Variants in ANGEL1 observed in about 807,000 individuals in gnomAD.
ANGEL1 encodes RNA 2',3'-cyclic phosphatase ANGEL1.
ANGEL1 carries 62 observed loss-of-function variants against 76.4 expected under a neutral mutation model. The ratio of observed to expected loss-of-function variants is 0.81; its 90% CI spans 0.66 to 1.00. ANGEL1 has a LOEUF of 1.00. Ranked by LOEUF, ANGEL1 falls within the 50% of genes least tolerant of loss-of-function variation. The pLI, the probability that ANGEL1 is intolerant of heterozygous loss-of-function variation, is 0.00. For synonymous variants in ANGEL1, 340 were observed against 331.7 expected, an observed-to-expected ratio of 1.03 and a Z score of -0.27; for missense variants, 737 against 836.7, an observed-to-expected ratio of 0.88 and a Z score of 1.47.
intron 3 of ANGEL1, 100 bp downstream of exon 3, chr14:76,807,822 T>C (rs1399494471): frequency 3.0e-6 from 4 of 1,318,406 alleles, no homozygotes; most frequent in Non-Finnish European, 3.2e-6. Flanking sequence ...AGGACTCCAA[T>C]CATTTGAACA....
At chr14:76,808,982 C>G (rs1895003137) in intron 2 of ANGEL1, 77 bp downstream of exon 2, 7 of 1,379,832 alleles carry the variant, frequency 5.1e-6, no homozygotes, top group African/African-American at 1.5e-5. Context: ...ACCATAGAAT[C>G]TTCTCTTTAG....
chr14:76,796,071 T>C (rs1337991398), intron 7 of ANGEL1, among the ~76,000 whole-genome samples: 1 of 152,086 alleles, frequency 6.6e-6, no homozygotes, highest in Non-Finnish European at 1.5e-5. Flanking sequence ...TATAACTCTA[T>C]GATTCTAAAT....
chr14:76,808,976 T>G, intron 2 of ANGEL1, 83 bp downstream of exon 2: 1 of 1,334,084 alleles, frequency 7.5e-7, no homozygotes, highest in Admixed American at 2.4e-5. Flanking sequence ...CTCCCTACCA[T>G]AGAATCTTCT....
chr14:76,807,938 T>C lies in ANGEL1; in HGVS notation c.860A>G (p.Gln287Arg), dbSNP rs1894969192. ...YRFVNLMQEFQHWDPDILCLQ... is the reference protein window; with the variant it reads ...YRFVNLMQEFRHWDPDILCLQ... ...TTCACTCACATCAGGGTCCCAGTGC[T>C]GGAATTCCTGCATGAGGTTCACGAA... The change falls in exon 3 of 10, where the codon CAG becomes CGG. Residue 287 changes from glutamine (Q) to arginine (R), a missense_variant. By Grantham distance (43) the Gln-to-Arg change is conservative. Coordinates refer to ENST00000251089, the MANE Select transcript of ANGEL1 (RefSeq NM_015305.4). 6.2e-7 allele frequency: 1 copy of C among 1,613,880 alleles called. No individual in the cohort carries two copies. Among genetic ancestry groups the C allele is most frequent in the African/African-American group, 1.3e-5 (1 of 74,944 alleles).
chr14:76,789,414 G>A, intron 9 of ANGEL1, 26 bp from the exon 10 acceptor site: 1 of 1,612,876 alleles, frequency 6.2e-7, no homozygotes, highest in African/African-American at 1.3e-5. Context: ...GAAGCCAATG[G>A]GTAAAAGCAG....
rs1243469571 is a variant in ANGEL1 at position 76,790,625 on chromosome 14, T to C, written c.1838A>G (p.Asn613Ser). 7 of 1,613,478 alleles carry C rather than the reference T, an allele frequency of 4.3e-6. No homozygotes were observed. The highest frequency in any genetic ancestry group is 3.3e-5 in the Admixed American group (2 of 59,962). ...ATCAGGCTTACCAGTTCTGTTCCCA[T>C]TCTCACAGGACTCAGCTGAGAAGAA... ...YIFFSAESCE[N>S]GNRTDHRLYR... Residue 613 changes from asparagine (N) to serine (S), a missense_variant, in exon 9 of 10, where the codon AAT (asparagine) becomes AGT (serine). By Grantham distance (46) the Asn-to-Ser change is conservative. Transcript: ENST00000251089.
intron 7 of ANGEL1, among the ~76,000 whole-genome samples, chr14:76,801,850 C>G (rs780745150): frequency 2.0e-5 from 3 of 152,080 alleles, no homozygotes; most frequent in Non-Finnish European, 4.4e-5. Flanking sequence ...TTTTTGTGCT[C>G]TTTCTTTCAT....
intron 7 of ANGEL1, among the ~76,000 whole-genome samples, chr14:76,798,913 C>T (rs997151689): frequency 7.0e-6 from 1 of 143,692 alleles, no homozygotes; most frequent in Admixed American, 7.1e-5. Flanking sequence ...TGTCACGGCA[C>T]TCTAGCCTGA....
In ANGEL1 at chr14:76,809,387, G is replaced by A. The variant is rs754428456; in HGVS notation, c.321C>T (p.Asp107=). Residue 107 remains aspartate, a synonymous_variant, in exon 2 of 10, where the codon GAC becomes GAT. Coordinates refer to ENST00000251089, the MANE Select transcript of ANGEL1 (RefSeq NM_015305.4). ...NPGEENAASE[D]RWSSRQLSDL... The stretch of plus-strand genomic sequence containing the variant: ...CACTCAGCTGCCTGCTGGACCACCT[G>A]TCCTCTGAAGCAGCATTCTCTTCTC... 6.2e-7 allele frequency: 1 copy of A among 1,614,264 alleles called. No homozygotes were observed. Among genetic ancestry groups the A allele is most frequent in the African/African-American group, 1.3e-5 (1 of 75,074 alleles).
chr14:76,795,708 T>C (rs1032022131), intron 7 of ANGEL1, among the ~76,000 whole-genome samples: 2 of 152,248 alleles, frequency 1.3e-5, no homozygotes, highest in African/African-American at 4.8e-5. Flanking sequence ...ACAATCTCCA[T>C]GGGAATCAGT....
chr14:76,791,502 A>C (rs1409153294), intron 7 of ANGEL1, 136 bp from the exon 8 acceptor site: 1 of 746,342 alleles, frequency 1.3e-6, no homozygotes, highest in Non-Finnish European at 2.1e-6. Flanking sequence ...AGGGAGAAAC[A>C]GTGAGGAGGA....
chr14:76,796,508 A>G (rs1046494440), intron 7 of ANGEL1, among the ~76,000 whole-genome samples: 2 of 152,076 alleles, frequency 1.3e-5, no homozygotes, highest in African/African-American at 2.4e-5. Flanking sequence ...CACTTGCCTC[A>G]GTCTCCCAAA....
chr14:76,797,559 C>CA (rs1340372427), intron 7 of ANGEL1, among the ~76,000 whole-genome samples: 1 of 151,940 alleles, frequency 6.6e-6, no homozygotes, highest in African/African-American at 2.4e-5. Flanking sequence ...GAGATCGCGC[C>CA]AATGCACTCC....
At position 76,809,470 on chromosome 14, in the gene ANGEL1, G is replaced by A. The variant is rs1419565091; in HGVS notation, c.238C>T (p.Pro80Ser). The change falls in exon 2 of 10, where the codon CCC (proline) becomes TCC (serine). Residue 80 changes from proline (P) to serine (S), a missense_variant. Physicochemically the swap from Pro to Ser is moderately conservative, Grantham distance 74. Around this residue, in one of 2 missense-constraint regions of ANGEL1, gnomAD observed 441 missense variants for 449.5 expected, o/e 0.98. Transcript: ENST00000251089. ...SQVLSTASEG[P>S]LIDKGLAQSS... ...TGGGCTAGTCCTTTATCTATAAGGG[G>A]CCCCTCACTTGCAGTTGAGAGCACC... 2 of 1,614,178 alleles carry A rather than the reference G, an allele frequency of 1.2e-6. No homozygotes were observed. The highest frequency in any genetic ancestry group is 1.7e-6 in the Non-Finnish European group (2 of 1,180,028).
At chr14:76,804,219 C>T in intron 5 of ANGEL1, 3 of 1,401,946 alleles carry the variant, frequency 2.1e-6, no homozygotes, top group Non-Finnish European at 1.8e-6. Flanking sequence ...ATACAATTCT[C>T]CTCCACAGGG....
intron 7 of ANGEL1, among the ~76,000 whole-genome samples, chr14:76,799,472 T>C (rs1481874084): frequency 6.6e-6 from 1 of 151,874 alleles, no homozygotes; most frequent in Non-Finnish European, 1.5e-5. Context: ...CTTTTGTATT[T>C]TTAGTAGAGA....
rs1301006336 is a variant in ANGEL1 at position 76,808,168 on chromosome 14, G to A, written c.650-20C>T. 6.2e-7 allele frequency: 1 copy of A among 1,602,106 alleles called. No homozygotes were observed. The highest frequency in any genetic ancestry group is 1.3e-5 in the African/African-American group (1 of 74,828). Reference sequence around the variant, plus strand: ...AAATTTCTGCAAAGGATTGGGAGAAGCACTCAATGGCAAGTATGAGTAATG... The same window carrying A: ...AAATTTCTGCAAAGGATTGGGAGAAACACTCAATGGCAAGTATGAGTAATG... On this transcript the variant is annotated intron_variant, in intron 2 of 9. Coordinates refer to ENST00000251089, the MANE Select transcript of ANGEL1 (RefSeq NM_015305.4).
chr14:76,789,151 G>C lies in ANGEL1; in HGVS notation c.*77C>G. On this transcript the variant is annotated 3_prime_UTR_variant, in exon 10 of 10. Coordinates refer to ENST00000251089, the MANE Select transcript of ANGEL1 (RefSeq NM_015305.4). ...TAAGTTTCTTGGATCTAAGTTTCTA[G>C]ATGCATGGGATTTTTCCACAGTCTC... 6.5e-7 allele frequency: 1 copy of C among 1,544,706 alleles called. No individual in the cohort carries two copies. Among genetic ancestry groups the C allele is most frequent in the Non-Finnish European group, 8.8e-7 (1 of 1,138,730 alleles).
chr14:76,799,097 C>G (rs1257549346), intron 7 of ANGEL1, among the ~76,000 whole-genome samples: 1 of 152,046 alleles, frequency 6.6e-6, no homozygotes, highest in Non-Finnish European at 1.5e-5. Context: ...CTGAATCTTC[C>G]TTTGTACTCA....
Sources: gnomAD v4.1 joint callset for allele counts (sites outside exome capture counted in the v4.1 genomes callset) on GRCh38, gnomAD v4.1.1 for gene constraint, gnomAD v4.1.1 regional missense constraint, MANE v1.5 for transcripts, NCBI Gene and HGNC (gene_info 2026-07-23, HGNC 2026-07-21) for gene names.